GBP7: variants seen among roughly 807,000 people sequenced by gnomAD.
GBP7 encodes guanylate binding protein 7.
In GBP7, 43 loss-of-function variants were observed where a neutral mutation model predicts 61.3. The ratio of observed to expected loss-of-function variants is 0.70; its 90% confidence interval spans 0.55 to 0.91. The LOEUF is 0.91. Among genes scored for constraint, GBP7 ranks in the 40% least tolerant of loss-of-function variants. GBP7 has a pLI of 0.00. For synonymous variants in GBP7, 267 were observed against 271.0 expected (o/e 0.99, Z 0.14); for missense variants, 717 against 740.5 (o/e 0.97, Z 0.37).
chr1:89,138,501 G>C (rs1051555268), intron 9 of GBP7, among the ~76,000 whole-genome samples: 1 of 151,848 alleles, frequency 6.6e-6, no homozygotes, highest in Non-Finnish European at 1.5e-5. Context: ...AAATGGAAAA[G>C]TTTAAAGAAA....
intron 3 of GBP7, among the ~76,000 whole-genome samples, chr1:89,163,803 T>C (rs1647342291): frequency 6.6e-6 from 1 of 152,158 alleles, no homozygotes; most frequent in African/African-American, 2.4e-5. Flanking sequence ...AAAAATTTTA[T>C]AAATGTTCCC....
chr1:89,147,588 T>C lies in GBP7; in HGVS notation c.1344A>G (p.Leu448=), dbSNP rs371800417. ...AKKKIEQDYT[L]VPRKGVKADE... ...TCACCTTAACTCCTTTTCTGGGCAC[T>C]AGTGTATAGTCCTGTTCAATCTTCT... Residue 448 remains leucine, a synonymous_variant, in exon 8 of 11, where the codon CTA becomes CTG. Transcript: ENST00000294671. 1.2e-6 allele frequency: 2 copies of C among 1,613,848 alleles called. No homozygotes were observed. The highest frequency in any genetic ancestry group is 1.7e-6 in the Non-Finnish European group (2 of 1,179,822).
At chr1:89,150,286 T>C in intron 6 of GBP7, 44 bp downstream of exon 6, 1 of 1,569,864 alleles carries the variant, frequency 6.4e-7, no homozygotes, top group Non-Finnish European at 8.7e-7. Context: ...GTTTTTGAGA[T>C]ACAGTAGGCC....
chr1:89,146,945 A>T lies in GBP7; in HGVS notation c.1365+622T>A, dbSNP rs150894404. 6.6e-5 allele frequency among the ~76,000 whole-genome samples: 10 copies of T among 152,322 alleles called. No homozygotes were observed. The East Asian group carries it at 1.9e-3, about 29-fold the overall frequency. On this transcript the variant is annotated intron_variant, in intron 8 of 10. Coordinates refer to ENST00000294671, the MANE Select transcript of GBP7 (RefSeq NM_207398.3). ...CCAGTGGCGTTCAAGTACATAGATCAGCCCATCAGCTCCACCACTTGGTGA... is the reference window on the plus strand; with the variant it reads ...CCAGTGGCGTTCAAGTACATAGATCTGCCCATCAGCTCCACCACTTGGTGA...
chr1:89,171,755 T>C lies in GBP7; in HGVS notation c.181A>G (p.Lys61Glu), dbSNP rs752358326. The part of the protein sequence containing the change: ...KSYLMNKLAG[K>E]NKGFPLGCTV... ...TGCTGGTGCCACTCACCTTTGTTCT[T>C]CCCAGCCAGCTTGTTCATTAGGTAG... Residue 61 changes from lysine (K) to glutamate (E), a missense_variant, in exon 2 of 11, where the codon AAG becomes GAG. Lys to Glu is a moderately conservative substitution (Grantham distance 56). Around this residue, in one of 3 missense-constraint regions of GBP7, gnomAD observed 387 missense variants for 385.2 expected, o/e 1.00. Transcript: ENST00000294671. The C allele has an allele frequency of 1.9e-6, 3 of 1,612,804 alleles. No individual in the cohort carries two copies. In the African/African-American group the frequency reaches 4.0e-5, roughly 22 times the overall value.
chr1:89,171,794 G>A lies in GBP7; in HGVS notation c.142C>T (p.Arg48Cys), dbSNP rs541677345. 3.8e-5 allele frequency: 62 copies of A among 1,613,390 alleles called. No individual in the cohort carries two copies. The highest frequency in any genetic ancestry group is 1.6e-4 in the Middle Eastern group (1 of 6,062). Residue 48 changes from arginine (R) to cysteine (C), a missense_variant, in exon 2 of 11, where the codon CGC (arginine) becomes TGC (cysteine). Physicochemically the swap from Arg to Cys is radical, Grantham distance 180. Transcript: ENST00000294671. ...TTCATTAGGTAGGATTTGCCTGTGC[G>A]GTAGAGGCCCACAATTGCCACCACT... ...VVVVAIVGLY[R>C]TGKSYLMNKL... is the part of the protein sequence containing the mutation.
At chr1:89,164,923 A>T in intron 2 of GBP7, 65 bp from the exon 3 acceptor site, 2 of 1,518,492 alleles carry the variant, frequency 1.3e-6, no homozygotes, top group Non-Finnish European at 1.8e-6. Context: ...GGCCTATACC[A>T]GTTAAATGTA....
chr1:89,174,471 A>G (rs1443073458), intron 1 of GBP7, among the ~76,000 whole-genome samples: 1 of 152,212 alleles, frequency 6.6e-6, no homozygotes, highest in Non-Finnish European at 1.5e-5. Flanking sequence ...TTTCACGTTC[A>G]CATTTAGATC....
At chr1:89,167,795 C>A (rs1647483985) in intron 2 of GBP7, among the ~76,000 whole-genome samples, 1 of 152,192 alleles carries the variant, frequency 6.6e-6, no homozygotes, top group African/African-American at 2.4e-5. Flanking sequence ...AAAATAAATA[C>A]CCTGGACCAG....
chr1:89,135,209 C>T (rs796489837), intron 9 of GBP7, among the ~76,000 whole-genome samples: 6 of 152,070 alleles, frequency 3.9e-5, no homozygotes, highest in African/African-American at 1.4e-4. Context: ...CATAAAGAGA[C>T]CAAACCTATG....
intron 2 of GBP7, 33 bp from the exon 3 acceptor site, chr1:89,164,891 AC>A: frequency 6.2e-7 from 1 of 1,610,344 alleles, no homozygotes; most frequent in Non-Finnish European, 8.5e-7. Context: ...ACATATAGTG[AC>A]AGCAGAATCC....
In GBP7 at chr1:89,141,529, G is replaced by A. The variant is rs376297911; in HGVS notation, c.1468+17C>T. The stretch of plus-strand genomic sequence containing the variant: ...GAACCTACCCATTTGCCTGAGAGCT[G>A]AGCCCTGCCCCTGTACCTGCTATGG... On this transcript the variant is annotated intron_variant, in intron 9 of 10. Coordinates refer to ENST00000294671, the MANE Select transcript of GBP7 (RefSeq NM_207398.3). The A allele has an allele frequency of 1.7e-5, 27 of 1,609,658 alleles. No homozygotes were observed. The highest frequency in any genetic ancestry group is 2.2e-5 in the Non-Finnish European group (26 of 1,176,632).
intron 1 of GBP7, 44 bp from the exon 2 acceptor site, chr1:89,171,998 G>A: frequency 7.3e-7 from 1 of 1,367,628 alleles, no homozygotes; most frequent in Non-Finnish European, 1.0e-6. Context: ...TGGTAAGTCA[G>A]TTGAGCTGAA....
At chr1:89,141,477 T>C in intron 9 of GBP7, 69 bp downstream of exon 9, 1 of 1,376,512 alleles carries the variant, frequency 7.3e-7, no homozygotes, top group Non-Finnish European at 1.0e-6. Context: ...AAAATCCTTT[T>C]TTCTGAACAT....
At chr1:89,170,612 G>A (rs1454208174) in intron 2 of GBP7, among the ~76,000 whole-genome samples, 4 of 152,144 alleles carry the variant, frequency 2.6e-5, no homozygotes, top group African/African-American at 7.2e-5. Context: ...CAGGATGATC[G>A]ATCAGAGATG....
chr1:89,151,488 C>G (rs756583941), intron 5 of GBP7, among the ~76,000 whole-genome samples: 1 of 152,176 alleles, frequency 6.6e-6, no homozygotes, highest in Non-Finnish European at 1.5e-5. Context: ...TTAGGTCTAA[C>G]ATTGTCTTGC....
At chr1:89,172,945 C>A (rs1372619343) in intron 1 of GBP7, among the ~76,000 whole-genome samples, 1 of 152,064 alleles carries the variant, frequency 6.6e-6, no homozygotes, top group Non-Finnish European at 1.5e-5. Flanking sequence ...TCAATGCAGA[C>A]TCAGAGATAT....
intron 2 of GBP7, among the ~76,000 whole-genome samples, chr1:89,168,036 A>G (rs896978962): frequency 2.6e-5 from 4 of 152,182 alleles, no homozygotes; most frequent in African/African-American, 9.7e-5. Flanking sequence ...TTAGAATTAC[A>G]ATGGCCATTA....
At chr1:89,170,208 A>G (rs1052300234) in intron 2 of GBP7, among the ~76,000 whole-genome samples, 1 of 152,222 alleles carries the variant, frequency 6.6e-6, no homozygotes, top group Non-Finnish European at 1.5e-5. Flanking sequence ...CCAGTTCCAC[A>G]TGGTCTTTTA....
Sources: allele counts gnomAD v4.1 joint callset (sites outside exome capture counted in the v4.1 genomes callset), GRCh38; gene constraint gnomAD v4.1.1; regional missense constraint gnomAD v4.1.1; transcripts MANE v1.5; gene names NCBI Gene and HGNC (gene_info 2026-07-23, HGNC 2026-07-21).